MYO10: variants seen among roughly 807,000 people sequenced by gnomAD.
The protein encoded by MYO10 is unconventional myosin-X.
Under a neutral mutation model 257.3 loss-of-function variants are expected in MYO10, and 133 were observed. The observed-to-expected ratio is 0.52, with a 90% CI of 0.45 to 0.60. MYO10 has a LOEUF of 0.60. MYO10 is among the 20% of genes least tolerant of loss of function. The pLI is 0.00. For missense variants in MYO10, 2,399 were observed against 2,635.7 expected (o/e 0.91, Z 1.97); for synonymous variants, 1,104 against 1,028.6 (o/e 1.07, Z -1.40).
chr5:16,690,091 G>A (rs1430769674), intron 27 of MYO10, among the ~76,000 whole-genome samples, 172 bp from the exon 28 acceptor site: 3 of 152,088 alleles, frequency 2.0e-5, no homozygotes, highest in Non-Finnish European at 4.4e-5. Context: ...TTCTGCACCT[G>A]TGGATTCAAC....
At chr5:16,762,428 A>G (rs1740744802) in intron 15 of MYO10, 117 bp downstream of exon 15, 3 of 839,176 alleles carry the variant, frequency 3.6e-6, no homozygotes, top group Non-Finnish European at 5.5e-6. Context: ...TTGGTTTGAG[A>G]ATAAATGTTC....
In MYO10 at chr5:16,689,877, G is replaced by C. The variant is rs1386113826; in HGVS notation, c.3843C>G (p.Ile1281Met). The C allele has an allele frequency of 6.2e-7, 1 of 1,613,708 alleles. No individual in the cohort carries two copies. The highest frequency in any genetic ancestry group is 8.5e-7 in the Non-Finnish European group (1 of 1,179,790). Reference sequence around the variant, plus strand: ...GGTGGAAAGTCCTATCGGCCATAATGATGTCGATCCCATTCTCCTTGGTGG... The same window carrying C: ...GGTGGAAAGTCCTATCGGCCATAATCATGTCGATCCCATTCTCCTTGGTGG... The part of the protein sequence containing the change: ...DNTTKENGID[I>M]IMADRTFHLI... Residue 1281 changes from isoleucine to methionine, a missense_variant, in exon 28 of 41, where the codon ATC becomes ATG. By Grantham distance (10) the Ile-to-Met change is conservative (BLOSUM62 1). Around this residue, in one of 3 missense-constraint regions of MYO10, gnomAD observed 1,820 missense variants for 1,939.4 expected, o/e 0.94. Coordinates refer to ENST00000513610, the MANE Select transcript of MYO10 (RefSeq NM_012334.3).
At chr5:16,693,299 A>G (rs1236613109) in intron 27 of MYO10, among the ~76,000 whole-genome samples, 2 of 152,174 alleles carry the variant, frequency 1.3e-5, no homozygotes, top group Non-Finnish European at 1.5e-5. Context: ...CAGATGAGGA[A>G]CATCACGGTA....
At chr5:16,842,663 G>A (rs1217559522) in intron 2 of MYO10, among the ~76,000 whole-genome samples, 9 of 152,114 alleles carry the variant, frequency 5.9e-5, no homozygotes, top group Admixed American at 2.0e-4. Flanking sequence ...GAAGGTTCAC[G>A]CCTGTCATCC....
intron 26 of MYO10, 47 bp from the exon 27 acceptor site, chr5:16,694,661 C>T: frequency 6.2e-7 from 1 of 1,604,710 alleles, no homozygotes; most frequent in Non-Finnish European, 8.5e-7. Context: ...AAAAGTCAGT[C>T]AAGTTGGATG....
chr5:16,811,687 C>T (rs1742445073), intron 3 of MYO10, among the ~76,000 whole-genome samples: 1 of 152,174 alleles, frequency 6.6e-6, no homozygotes, highest in African/African-American at 2.4e-5. Context: ...GTAGAAGGGA[C>T]TACAGGGGCA....
chr5:16,764,156 A>G, intron 12 of MYO10, 94 bp downstream of exon 12: 14 of 1,432,928 alleles, frequency 9.8e-6, no homozygotes, highest in East Asian at 2.3e-5. Context: ...CAAAAAAAAA[A>G]AGAAAAAAAA....
chr5:16,906,659 C>T (rs1745528216), intron 1 of MYO10, among the ~76,000 whole-genome samples: 1 of 152,134 alleles, frequency 6.6e-6, no homozygotes, highest in Non-Finnish European at 1.5e-5. Flanking sequence ...TTCTCTATGC[C>T]TATCTCGAAG....
intron 21 of MYO10, among the ~76,000 whole-genome samples, chr5:16,707,713 C>T (rs555998189): frequency 1.3e-5 from 2 of 152,282 alleles, no homozygotes; most frequent in South Asian, 2.1e-4. Context: ...CCTCAGTCAC[C>T]GTAAACGCAG....
intron 16 of MYO10, 78 bp from the exon 17 acceptor site, chr5:16,761,624 C>A: frequency 2.0e-6 from 2 of 1,015,354 alleles, no homozygotes; most frequent in Non-Finnish European, 1.5e-6. Context: ...CTGAAAGAGC[C>A]ACAAAAAGAA....
chr5:16,708,246 A>G (rs1024938736), intron 21 of MYO10, among the ~76,000 whole-genome samples: 2 of 152,220 alleles, frequency 1.3e-5, no homozygotes, highest in African/African-American at 4.8e-5. Flanking sequence ...TTCAATCCAT[A>G]GGGATCTCTC....
intron 1 of MYO10, among the ~76,000 whole-genome samples, chr5:16,912,404 G>A (rs1379846760): frequency 6.6e-5 from 10 of 152,142 alleles, no homozygotes; most frequent in Admixed American, 2.0e-4. Context: ...TATGGCACAC[G>A]ACCTAACTCA....
chr5:16,784,136 A>AG (rs759307128), intron 4 of MYO10, among the ~76,000 whole-genome samples: 44 of 152,366 alleles, frequency 2.9e-4, no homozygotes, highest in Admixed American at 9.8e-4. Flanking sequence ...GAAGTAAATA[A>AG]GGGATGAGTT....
At chr5:16,713,392 T>C (rs1000914149) in intron 19 of MYO10, 4 of 985,686 alleles carry the variant, frequency 4.1e-6, no homozygotes, top group African/African-American at 1.7e-5. Flanking sequence ...AAAATTCATA[T>C]GGAAAACAAC....
At chr5:16,762,769 G>C in intron 14 of MYO10, 132 bp from the exon 15 acceptor site, 1 of 617,690 alleles carries the variant, frequency 1.6e-6, no homozygotes. Flanking sequence ...TTCCAGACCA[G>C]CCTGGCCAAC....
chr5:16,674,024 C>T (rs919668704), intron 35 of MYO10, 135 bp from the exon 36 acceptor site: 11 of 723,668 alleles, frequency 1.5e-5, no homozygotes, highest in Non-Finnish European at 2.5e-5. Flanking sequence ...GCACCAGTGA[C>T]TTCTTGGCAA....
chr5:16,725,880 TG>T (rs1405759519), intron 19 of MYO10, among the ~76,000 whole-genome samples: 1 of 150,976 alleles, frequency 6.6e-6, no homozygotes, highest in African/African-American at 2.4e-5. Flanking sequence ...CTCCACTTCC[TG>T]GGTTCAAGCG....
At position 16,853,291 on chromosome 5, in the gene MYO10, A is replaced by G. The variant is rs185963221; in HGVS notation, c.120+24318T>C. 3.7e-3 allele frequency among the ~76,000 whole-genome samples: 563 copies of G among 151,840 alleles called. 4 individuals carry two copies. The highest frequency in any genetic ancestry group is 0.013 in the African/African-American group (526 of 41,422). On this transcript the variant is annotated intron_variant, in intron 2 of 40. Transcript: ENST00000513610. ...CGGGAGGCTGAGGCAGGAGAATGGC[A>G]TGAACCCGAGAGGCGGAGCTTGCAG...
At chr5:16,762,283 G>T (rs31510) in intron 15 of MYO10, among the ~76,000 whole-genome samples, 170 bp from the exon 16 acceptor site, 19,337 of 152,154 alleles carry the variant, frequency 0.13, 1,220 homozygotes, top group Middle Eastern at 0.17. Flanking sequence ...TAAAAACCAT[G>T]TTAACTCTCG....
Sources: gnomAD v4.1 joint callset for allele counts (sites outside exome capture counted in the v4.1 genomes callset) on GRCh38, gnomAD v4.1.1 for gene constraint, gnomAD v4.1.1 regional missense constraint, MANE v1.5 for transcripts, NCBI Gene and HGNC (gene_info 2026-07-23, HGNC 2026-07-21) for gene names.